Variants in PCDHA8 observed in about 807,000 individuals in gnomAD.
The protein encoded by PCDHA8 is protocadherin alpha 8.
A neutral mutation model predicts 61.8 loss-of-function variants in PCDHA8; 53 were observed. That is an observed-to-expected ratio of 0.86 (90% CI 0.69 to 1.08). PCDHA8 has a LOEUF of 1.08. Among genes scored for constraint, PCDHA8 ranks in the 50% least tolerant of loss-of-function variants. The pLI, the probability that PCDHA8 is intolerant of heterozygous loss-of-function variation, is 0.00. For synonymous variants in PCDHA8, 618 were observed against 556.6 expected (o/e 1.11, Z -1.55); for missense variants, 1,293 against 1,245.0 (o/e 1.04, Z -0.58).
At chr5:140,933,003 G>A (rs1466484630) in intron 1 of PCDHA8, among the ~76,000 whole-genome samples, 5 of 151,902 alleles carry the variant, frequency 3.3e-5, no homozygotes, top group East Asian at 1.9e-4. Flanking sequence ...TATGAATATC[G>A]GAAATATTAA....
rs782426631 is a variant in PCDHA8, at chr5:140,982,476, T to G, written c.2455T>G (p.Ser819Ala). The change falls in exon 3 of 4, where the codon TCT becomes GCT. Residue 819 changes from serine to alanine, a missense_variant and splice_region_variant. By Grantham distance (99) the Ser-to-Ala change is moderately conservative (BLOSUM62 1). Coordinates refer to ENST00000531613, the MANE Select transcript of PCDHA8 (RefSeq NM_018911.3). The part of the protein sequence containing the change: ...SASLRAGMHS[S>A]VHLEEAGILR... Reference sequence around the variant, plus strand: ...ATCTGGGTCTGTGTGTTTATTCAGCTCTGTGCACCTAGAGGAGGCTGGCAT... The same window carrying G: ...ATCTGGGTCTGTGTGTTTATTCAGCGCTGTGCACCTAGAGGAGGCTGGCAT... 9.3e-6 allele frequency: 15 copies of G among 1,614,064 alleles called. No individual in the cohort carries two copies. The African/African-American group carries it at 2.0e-4, about 22-fold the overall frequency.
At chr5:140,944,617 G>A (rs374007868) in intron 1 of PCDHA8, among the ~76,000 whole-genome samples, 6 of 152,192 alleles carry the variant, frequency 3.9e-5, no homozygotes, top group African/African-American at 1.4e-4. Flanking sequence ...TGCTGTAGAA[G>A]TATAGTGTTG....
intron 1 of PCDHA8, chr5:140,927,000 A>G (rs1554203899): frequency 1.2e-6 from 2 of 1,612,352 alleles, no homozygotes; most frequent in Non-Finnish European, 1.7e-6. Flanking sequence ...GCGTAGCCGT[A>G]GGCAATCTCT....
At chr5:140,850,709 G>T in intron 1 of PCDHA8, 1 of 1,598,236 alleles carries the variant, frequency 6.3e-7, no homozygotes, top group East Asian at 2.2e-5. Context: ...GCAAGCCGAC[G>T]CTGGTGTGTT....
intron 3 of PCDHA8, among the ~76,000 whole-genome samples, chr5:141,008,162 G>A (rs1280112352): frequency 6.6e-6 from 1 of 152,128 alleles, no homozygotes; most frequent in East Asian, 1.9e-4. Flanking sequence ...ATAAGATGAG[G>A]ACTAAAATGT....
chr5:140,867,991 T>G (rs1379820729), intron 1 of PCDHA8: 8 of 152,164 alleles, frequency 5.3e-5, no homozygotes, highest in Non-Finnish European at 8.8e-5. Flanking sequence ...ACTATTTTCA[T>G]GAATATAACT....
chr5:140,849,765 G>A, intron 1 of PCDHA8: 1 of 1,598,514 alleles, frequency 6.3e-7, no homozygotes, highest in Non-Finnish European at 8.6e-7. Context: ...CTACGAGCTG[G>A]TGGTTACCGC....
In PCDHA8 at chr5:140,929,079, T is replaced by G. The variant is rs76301676; in HGVS notation, c.2395-49870T>G. 5,184 of 1,614,178 alleles carry G rather than the reference T, an allele frequency of 3.2e-3. 26 individuals are homozygous for G. Among genetic ancestry groups the G allele is most frequent in the African/African-American group, 0.019 (1,450 of 75,034 alleles). On this transcript the variant is annotated intron_variant, in intron 1 of 3. Transcript: ENST00000531613. ...CTACAGAGGATCTGAGGTATGGAAGTAAGATGGTTTCAAATCCTTGCATGA... is the reference window on the plus strand; with the variant it reads ...CTACAGAGGATCTGAGGTATGGAAGGAAGATGGTTTCAAATCCTTGCATGA...
At chr5:140,926,340 C>G (rs2083154977) in intron 1 of PCDHA8, 1 of 152,400 alleles carries the variant, frequency 6.6e-6, no homozygotes, top group Non-Finnish European at 1.5e-5. Flanking sequence ...GCGCCGGGAC[C>G]CGACGCGCGG....
At chr5:140,974,827 G>T (rs1356890991) in intron 1 of PCDHA8, among the ~76,000 whole-genome samples, 1 of 152,182 alleles carries the variant, frequency 6.6e-6, no homozygotes. Context: ...GCAACATAAT[G>T]ATTATTTTAA....
chr5:140,931,136 C>T (rs2087318079), intron 1 of PCDHA8, among the ~76,000 whole-genome samples: 1 of 152,166 alleles, frequency 6.6e-6, no homozygotes, highest in African/African-American at 2.4e-5. Context: ...GTGATATTTG[C>T]AGTGGATACT....
At chr5:140,972,797 G>A (rs1563419152) in intron 1 of PCDHA8, among the ~76,000 whole-genome samples, 3 of 151,664 alleles carry the variant, frequency 2.0e-5, no homozygotes, top group Admixed American at 2.0e-4. Flanking sequence ...CTGAGTAGCT[G>A]AGATTACAGG....
chr5:140,922,207 T>C (rs1208986922), intron 1 of PCDHA8, among the ~76,000 whole-genome samples: 3 of 152,162 alleles, frequency 2.0e-5, no homozygotes, highest in Non-Finnish European at 2.9e-5. Context: ...AATGAAACTT[T>C]GTAAAACATT....
chr5:140,864,617 T>C (rs545757656), intron 1 of PCDHA8: 10 of 152,312 alleles, frequency 6.6e-5, no homozygotes, highest in African/African-American at 2.4e-4. Context: ...TTTGTTCTTT[T>C]TTAAAAAGAA....
chr5:140,952,418 A>G (rs1563257684), intron 1 of PCDHA8, among the ~76,000 whole-genome samples: 1 of 152,090 alleles, frequency 6.6e-6, no homozygotes, highest in South Asian at 2.1e-4. Context: ...AATGTTCCGC[A>G]GATTCCTACA....
Position 141,009,722 on chromosome 5 carries a change from G to A in PCDHA8, c.2638G>A (p.Gly880Ser), listed in dbSNP as rs552954748. ...KYGPGNPKQSGPGELPDKFII... is the reference protein window; with the variant it reads ...KYGPGNPKQSSPGELPDKFII... ...CGGACCAGGCAACCCCAAACAATCC[G>A]GTCCCGGTGAGTTGCCCGACAAATT... The change falls in exon 4 of 4, where the codon GGT (glycine) becomes AGT (serine). Residue 880 changes from glycine (G) to serine (S), a missense_variant. Gly to Ser is a moderately conservative substitution (Grantham distance 56). Transcript: ENST00000531613. 5.2e-5 allele frequency: 84 copies of A among 1,614,140 alleles called. No homozygotes were observed. The South Asian group carries it at 6.7e-4, about 13-fold the overall frequency.
chr5:140,906,271 T>A (rs2072508162), intron 1 of PCDHA8, among the ~76,000 whole-genome samples: 1 of 152,180 alleles, frequency 6.6e-6, no homozygotes, highest in African/African-American at 2.4e-5. Flanking sequence ...AAATTATAGA[T>A]AATCTTCAAA....
At chr5:140,881,638 A>G (rs1237929257) in intron 1 of PCDHA8, among the ~76,000 whole-genome samples, 1 of 152,214 alleles carries the variant, frequency 6.6e-6, no homozygotes, top group Non-Finnish European at 1.5e-5. Context: ...TCAGTTACCA[A>G]TATTTTTCAC....
intron 1 of PCDHA8, chr5:140,928,768 C>G: frequency 1.2e-6 from 2 of 1,614,136 alleles, no homozygotes; most frequent in Non-Finnish European, 1.7e-6. Context: ...CTTAGTTCTT[C>G]CCACTGATGC....
Sources: allele counts gnomAD v4.1 joint callset (sites outside exome capture counted in the v4.1 genomes callset), GRCh38; gene constraint gnomAD v4.1.1; transcripts MANE v1.5; gene names NCBI Gene and HGNC (gene_info 2026-07-23, HGNC 2026-07-21).